PPIL2: variants seen among roughly 807,000 people sequenced by gnomAD.
The protein encoded by PPIL2 is peptidylprolyl isomerase like 2, also known as RING-type E3 ubiquitin-protein ligase PPIL2.
A neutral mutation model predicts 75.2 loss-of-function variants in PPIL2; 50 were observed. The observed-to-expected ratio is 0.66, with a 90% CI of 0.53 to 0.84. The LOEUF is 0.84. Among genes scored for constraint, PPIL2 ranks in the 40% least tolerant of loss-of-function variants. The pLI is 0.00. For synonymous variants in PPIL2, 245 were observed against 258.8 expected (o/e 0.95, Z 0.51); for missense variants, 590 against 685.0 (o/e 0.86, Z 1.55).
At chr22:21,688,143 G>T (rs1450492180) in intron 14 of PPIL2, 37 bp downstream of exon 14, 1 of 1,613,872 alleles carries the variant, frequency 6.2e-7, no homozygotes. Flanking sequence ...TGGGCACTTT[G>T]GCTGCTCCGT....
chr22:21,668,459 T>C (rs2066480219), intron 1 of PPIL2, among the ~76,000 whole-genome samples: 1 of 150,856 alleles, frequency 6.6e-6, no homozygotes, highest in South Asian at 2.1e-4. Context: ...ACCCCATCTC[T>C]ACTAAAAATA....
chr22:21,669,240 C>T lies in PPIL2; in HGVS notation c.33-673C>T. 2 of 302,450 alleles carry T rather than the reference C, an allele frequency of 6.6e-6. 1 individual carries two copies. The allele number at this position is 302,450 out of a possible 1,614,324, so 18.7% of individuals were successfully genotyped here. A position where few individuals can be genotyped will look rare whatever the true frequency, so the allele number is the denominator to read the frequency against. ...GTAGTGGTGCTGTCACAGCTCACTG[C>T]AGCCTCAACCTGCCTTCCTGCCTTA... On this transcript the variant is annotated intron_variant, in intron 1 of 19. Coordinates refer to ENST00000398831, the MANE Select transcript of PPIL2 (RefSeq NM_014337.4).
intron 2 of PPIL2, 98 bp downstream of exon 2, chr22:21,670,060 C>G: frequency 1.6e-6 from 2 of 1,281,078 alleles, no homozygotes. Flanking sequence ...AACAAGAACA[C>G]GGAAACTATG....
chr22:21,695,178 G>C (rs1416491401), intron 19 of PPIL2, 108 bp downstream of exon 19: 15 of 1,434,926 alleles, frequency 1.0e-5, no homozygotes, highest in East Asian at 2.5e-5. Flanking sequence ...CACTGGTCCC[G>C]GCCGTGGGCT....
At chr22:21,679,993 G>A (rs2067040971) in intron 6 of PPIL2, among the ~76,000 whole-genome samples, 2 of 151,974 alleles carry the variant, frequency 1.3e-5, no homozygotes, top group Non-Finnish European at 2.9e-5. Flanking sequence ...AGGAGGCTGA[G>A]GCAGGAGAAT....
At chr22:21,682,585 C>T (rs1239021502) in intron 8 of PPIL2, 59 bp downstream of exon 8, 1 of 1,345,876 alleles carries the variant, frequency 7.4e-7, no homozygotes, top group Admixed American at 1.8e-5. Flanking sequence ...CAGCCCAGGC[C>T]TCTACAGGGC....
intron 7 of PPIL2, 137 bp from the exon 8 acceptor site, chr22:21,682,300 G>GT (rs1218399265): frequency 1.4e-6 from 1 of 722,886 alleles, no homozygotes; most frequent in East Asian, 2.7e-5. Context: ...CCAGTGGGGT[G>GT]TACACTGCTG....
intron 1 of PPIL2, among the ~76,000 whole-genome samples, chr22:21,666,421 T>G (rs1305818215): frequency 6.6e-6 from 1 of 152,182 alleles, no homozygotes; most frequent in Non-Finnish European, 1.5e-5. Context: ...AGTTTCGCCC[T>G]TGAATGAGTA....
At chr22:21,673,740 T>G (rs1371375128) in intron 5 of PPIL2, 1 of 152,510 alleles carries the variant, frequency 6.6e-6, no homozygotes, top group Non-Finnish European at 1.5e-5. Flanking sequence ...TGTGCTTGCT[T>G]GGCCAGACCT....
rs1318027425 is a variant in PPIL2, at chr22:21,694,939, T to G, written c.1335T>G (p.Ile445Met). The G allele has an allele frequency of 8.1e-6, 13 of 1,613,090 alleles. No homozygotes were observed. The highest frequency in any genetic ancestry group is 1.3e-5 in the African/African-American group (1 of 74,906). Residue 445 changes from isoleucine (I) to methionine (M), a missense_variant and splice_region_variant, in exon 19 of 20, where the codon ATT becomes ATG. Physicochemically the swap from Ile to Met is conservative, Grantham distance 10. Coordinates refer to ENST00000398831, the MANE Select transcript of PPIL2 (RefSeq NM_014337.4). ...VDPYEEADAQ[I>M]AQERKTQLKV... The stretch of plus-strand genomic sequence containing the variant: ...GCCAGCGCCCTGTTGTGCCACAGAT[T>G]GCGCAGGAGCGGAAGACACAGCTCA...
intron 13 of PPIL2, 79 bp from the exon 14 acceptor site, chr22:21,687,994 G>A (rs746605281): frequency 4.5e-6 from 7 of 1,567,324 alleles, no homozygotes; most frequent in Non-Finnish European, 6.1e-6. Flanking sequence ...CATCTGGCAG[G>A]AGGGGTGTCC....
At position 21,669,923 on chromosome 22, in the gene PPIL2, T is replaced by C; in HGVS notation, c.43T>C (p.Cys15Arg). ...QHQKDKMYIT[C>R]AEYTHFYGGK... ...TCCTCTCTTCTTCAGGTACATTACC[T>C]GTGCTGAATACACTCACTTTTATGG... Residue 15 changes from cysteine (C) to arginine (R), a missense_variant, in exon 2 of 20, where the codon TGT becomes CGT. Coordinates refer to ENST00000398831, the MANE Select transcript of PPIL2 (RefSeq NM_014337.4). 1 of 1,613,992 alleles carries C rather than the reference T, an allele frequency of 6.2e-7. No homozygotes were observed. The highest frequency in any genetic ancestry group is 2.2e-5 in the East Asian group (1 of 44,880).
chr22:21,678,872 A>T (rs1414696414), intron 6 of PPIL2, among the ~76,000 whole-genome samples: 2 of 148,302 alleles, frequency 1.3e-5, no homozygotes, highest in African/African-American at 2.5e-5. Flanking sequence ...GACCACAGGC[A>T]TGTACTACCA....
At chr22:21,671,853 C>A (rs1341434728) in intron 4 of PPIL2, among the ~76,000 whole-genome samples, 1 of 152,046 alleles carries the variant, frequency 6.6e-6, no homozygotes, top group East Asian at 1.9e-4. Context: ...GAGTTTGAGA[C>A]CAGCCTGGGC....
intron 1 of PPIL2, among the ~76,000 whole-genome samples, chr22:21,669,045 T>G (rs940694587): frequency 3.9e-4 from 58 of 147,988 alleles, no homozygotes; most frequent in African/African-American, 1.3e-3. Flanking sequence ...AGAGACTGGT[T>G]TCACCGTGTT....
At position 21,695,388 on chromosome 22, in the gene PPIL2, TC is replaced by T. The variant is rs2067879582; in HGVS notation, c.1467-3del. ...GTGGGCTCCCAGCGGCTTCTTCTCT[TC>T]CCAGGAAGCGAGCAGCAGAGGAAGA... is the stretch of plus-strand genomic sequence containing the variant. On this transcript the variant is annotated splice_polypyrimidine_tract_variant and splice_region_variant and intron_variant, in intron 19 of 19. Coordinates refer to ENST00000398831, the MANE Select transcript of PPIL2 (RefSeq NM_014337.4). 2.5e-6 allele frequency: 4 copies of T among 1,601,924 alleles called. No individual in the cohort carries two copies. The highest frequency in any genetic ancestry group is 2.6e-6 in the Non-Finnish European group (3 of 1,174,440).
Position 21,672,397 on chromosome 22 carries a change from G to A in PPIL2, c.243+16G>A. On this transcript the variant is annotated intron_variant, in intron 5 of 19. Transcript: ENST00000398831. ...CAATGGAGAGGTAGGTGGCTGTGCAGGAGTTTCAGTGATGCTAGTGAATGC... is the reference window on the plus strand; with the variant it reads ...CAATGGAGAGGTAGGTGGCTGTGCAAGAGTTTCAGTGATGCTAGTGAATGC... The A allele has an allele frequency of 1.3e-6, 2 of 1,594,906 alleles. No homozygotes were observed. The highest frequency in any genetic ancestry group is 2.2e-5 in the South Asian group (2 of 90,652).
At chr22:21,698,035 CCT>C (rs2068005989), downstream of PPIL2, 1 of 152,178 alleles carries the variant, frequency 6.6e-6, no homozygotes, top group Non-Finnish European at 1.5e-5. Flanking sequence ...CATTTATAAC[CCT>C]GACATCACCT....
chr22:21,683,719 T>G (rs1405240915), intron 9 of PPIL2, among the ~76,000 whole-genome samples: 1 of 152,064 alleles, frequency 6.6e-6, no homozygotes. Flanking sequence ...CAGGAGAGCC[T>G]GAGGTCAGGG....
Sources: allele counts gnomAD v4.1 joint callset (sites outside exome capture counted in the v4.1 genomes callset), GRCh38; gene constraint gnomAD v4.1.1; transcripts MANE v1.5; gene names NCBI Gene and HGNC (gene_info 2026-07-23, HGNC 2026-07-21).